The following CLIC5 variants were observed in gnomAD, a reference collection of about 807,000 sequenced individuals.
The protein encoded by CLIC5 is chloride intracellular channel protein 5.
In CLIC5, 20 loss-of-function variants were observed where a neutral mutation model predicts 24.7. That is an observed-to-expected ratio of 0.81 (90% confidence interval 0.57 to 1.18). The LOEUF is 1.18. CLIC5 is among the 50% of genes most tolerant of loss of function. CLIC5 has a pLI of 0.00. For synonymous variants in CLIC5, 159 were observed against 135.6 expected, an observed-to-expected ratio of 1.17 and a Z score of -1.20; for missense variants, 341 against 326.1, an observed-to-expected ratio of 1.05 and a Z score of -0.35.
chr6:46,013,874 C>T (rs533024678), intron 1 of CLIC5, among the ~76,000 whole-genome samples: 5 of 152,226 alleles, frequency 3.3e-5, no homozygotes, highest in Non-Finnish European at 4.4e-5. Context: ...CAAGACTCAT[C>T]GCTTTGTTAA....
chr6:46,038,089 T>G (rs184407521), intron 1 of CLIC5, among the ~76,000 whole-genome samples: 1 of 152,274 alleles, frequency 6.6e-6, no homozygotes, highest in East Asian at 1.9e-4. Flanking sequence ...GCCCAGTCCC[T>G]CTGGTAGCTA....
the CLIC5 span, among the ~76,000 whole-genome samples, chr6:46,104,133 C>T: frequency 6.6e-6 from 1 of 151,938 alleles, no homozygotes. Flanking sequence ...CTCTGGTGTA[C>T]TTTTTGGTAT....
intron 1 of CLIC5, among the ~76,000 whole-genome samples, chr6:46,046,686 T>G (rs1313839957): frequency 6.6e-6 from 1 of 152,228 alleles, no homozygotes; most frequent in East Asian, 1.9e-4. Flanking sequence ...GCACTCTTTC[T>G]ATTAATAACA....
intron 1 of CLIC5, among the ~76,000 whole-genome samples, chr6:45,968,268 G>A (rs942031695): frequency 6.6e-6 from 1 of 152,144 alleles, no homozygotes; most frequent in Non-Finnish European, 1.5e-5. Flanking sequence ...AACTCTGAAA[G>A]CATTCACATT....
At chr6:45,951,632 A>G (rs1420310339) in intron 2 of CLIC5, among the ~76,000 whole-genome samples, 1 of 152,186 alleles carries the variant, frequency 6.6e-6, no homozygotes, top group Non-Finnish European at 1.5e-5. Flanking sequence ...GGAGGGTTAC[A>G]CTAAAAATGT....
At chr6:45,954,746 C>T (rs990113895) in intron 2 of CLIC5, among the ~76,000 whole-genome samples, 1 of 152,224 alleles carries the variant, frequency 6.6e-6, no homozygotes, top group Non-Finnish European at 1.5e-5. Context: ...TAGATCACAA[C>T]TCTCTGAAGA....
At chr6:45,989,896 G>A (rs1561987583) in intron 1 of CLIC5, among the ~76,000 whole-genome samples, 1 of 152,114 alleles carries the variant, frequency 6.6e-6, no homozygotes, top group African/African-American at 2.4e-5. Context: ...TATCTATGAT[G>A]GGATTCATCT....
intron 1 of CLIC5, among the ~76,000 whole-genome samples, chr6:46,004,813 G>A (rs1766492000): frequency 6.6e-6 from 1 of 152,182 alleles, no homozygotes; most frequent in African/African-American, 2.4e-5. Flanking sequence ...CTGTGGGGAA[G>A]CCCTGCCCAG....
intron 1 of CLIC5, among the ~76,000 whole-genome samples, chr6:46,058,261 A>G (rs769780443): frequency 2.0e-5 from 3 of 152,246 alleles, no homozygotes; most frequent in Non-Finnish European, 4.4e-5. Flanking sequence ...GCTCTTAATG[A>G]TAAGAAGATT....
chr6:46,094,520 C>T, the CLIC5 span, among the ~76,000 whole-genome samples: 1 of 152,202 alleles, frequency 6.6e-6, no homozygotes, highest in African/African-American at 2.4e-5. Flanking sequence ...AGGGGGTCTA[C>T]AGGCCCCCAT....
chr6:45,969,184 G>C (rs925199789), intron 1 of CLIC5, among the ~76,000 whole-genome samples: 9 of 152,178 alleles, frequency 5.9e-5, no homozygotes, highest in African/African-American at 2.2e-4. Context: ...TGTTTGCCGA[G>C]AGGATGAAAG....
In CLIC5 at chr6:45,938,031, G is replaced by T. The variant is rs376697673; in HGVS notation, c.406+3516C>A. On this transcript the variant is annotated intron_variant, in intron 4 of 5. Coordinates refer to ENST00000339561, the MANE Select transcript of CLIC5 (RefSeq NM_016929.5). ...TAGTGACCAGGTAGAGGGGAGGGAG[G>T]GCTCTGCTCAAGAGAAAGTAAATGA... is the stretch of plus-strand genomic sequence containing the variant. Among the ~76,000 whole-genome samples, 442 of 152,204 alleles carry T rather than the reference G, an allele frequency of 2.9e-3. 1 individual carries two copies. Among genetic ancestry groups the T allele is most frequent in the African/African-American group, 0.01 (423 of 41,514 alleles).
At chr6:45,991,449 AG>A (rs1765939705) in intron 1 of CLIC5, among the ~76,000 whole-genome samples, 1 of 152,228 alleles carries the variant, frequency 6.6e-6, no homozygotes, top group Admixed American at 6.5e-5. Context: ...ACTACAGACA[AG>A]GATGCAGTCC....
intron 1 of CLIC5, among the ~76,000 whole-genome samples, chr6:46,048,784 C>T (rs960022232): frequency 6.6e-5 from 10 of 152,014 alleles, no homozygotes; most frequent in South Asian, 2.1e-4. Flanking sequence ...ACTTGTCTCC[C>T]GGGGGAAGAA....
chr6:46,021,629 A>C (rs1204338), intron 1 of CLIC5, among the ~76,000 whole-genome samples: 76,716 of 152,058 alleles, frequency 0.5, 20,085 homozygotes, highest in Non-Finnish European at 0.58. Flanking sequence ...TAATTGGTGC[A>C]CAACACAGGT....
intron 1 of CLIC5, among the ~76,000 whole-genome samples, chr6:45,958,093 A>G (rs1764705881): frequency 6.6e-6 from 1 of 152,106 alleles, no homozygotes; most frequent in South Asian, 2.1e-4. Flanking sequence ...CAACTTGAAG[A>G]TGAGGTCATA....
intron 3 of CLIC5, among the ~76,000 whole-genome samples, chr6:45,942,278 G>C (rs1764157775): frequency 6.6e-6 from 1 of 152,038 alleles, no homozygotes; most frequent in South Asian, 2.1e-4. Flanking sequence ...ATTTTATTTG[G>C]AGATACATTT....
At chr6:45,985,095 G>A (rs1389213980) in intron 1 of CLIC5, among the ~76,000 whole-genome samples, 2 of 152,196 alleles carry the variant, frequency 1.3e-5, no homozygotes, top group Admixed American at 6.5e-5. Context: ...GGAGGGCCTG[G>A]AAAGGCCTTC....
At chr6:45,908,647 AATTTC>A (rs1762727147) in intron 5 of CLIC5, among the ~76,000 whole-genome samples, 1 of 151,956 alleles carries the variant, frequency 6.6e-6, no homozygotes, top group South Asian at 2.1e-4. Context: ...TGATTGATAT[AATTTC>A]TATTTTTTTT....
Sources: allele counts gnomAD v4.1 joint callset (sites outside exome capture counted in the v4.1 genomes callset), GRCh38; gene constraint gnomAD v4.1.1; transcripts MANE v1.5; gene names NCBI Gene and HGNC (gene_info 2026-07-23, HGNC 2026-07-21).